The following TMEFF2 variants were observed in gnomAD, a reference collection of about 807,000 sequenced individuals.
TMEFF2 encodes tomoregulin-2.
A neutral mutation model predicts 53.8 loss-of-function variants in TMEFF2; 28 were observed. The ratio of observed to expected loss-of-function variants is 0.52; its 90% CI spans 0.39 to 0.71. The LOEUF is 0.71. TMEFF2 is among the 30% of genes least tolerant of loss of function. TMEFF2 has a pLI of 0.00. For missense variants in TMEFF2, 353 were observed against 455.2 expected, an observed-to-expected ratio of 0.78 and a Z score of 2.04; for synonymous variants, 162 against 166.3, an observed-to-expected ratio of 0.97 and a Z score of 0.20.
chr2:192,089,110 T>G (rs1688731814), intron 4 of TMEFF2, among the ~76,000 whole-genome samples: 1 of 152,152 alleles, frequency 6.6e-6, no homozygotes, highest in Admixed American at 6.6e-5. Flanking sequence ...GGGATTGAAT[T>G]GCTCCAATTC....
intron 4 of TMEFF2, among the ~76,000 whole-genome samples, chr2:192,096,107 G>A (rs1204297729): frequency 1.3e-5 from 2 of 152,126 alleles, no homozygotes; most frequent in Admixed American, 1.3e-4. Context: ...ATTTGGATGG[G>A]TGTTCTACTA....
At chr2:192,011,228 C>T (rs1416135451) in intron 5 of TMEFF2, among the ~76,000 whole-genome samples, 1 of 152,194 alleles carries the variant, frequency 6.6e-6, no homozygotes, top group East Asian at 1.9e-4. Context: ...ACTTACAAAT[C>T]ACTGAATAAT....
intron 4 of TMEFF2, among the ~76,000 whole-genome samples, chr2:192,153,960 G>A (rs13426065): frequency 0.23 from 34,333 of 151,706 alleles, 5,088 homozygotes; most frequent in East Asian, 0.71. Flanking sequence ...TTACATGGTT[G>A]GGGGAAGGGT....
chr2:191,970,545 C>T (rs559173525), intron 7 of TMEFF2, among the ~76,000 whole-genome samples: 1 of 152,146 alleles, frequency 6.6e-6, no homozygotes, highest in African/African-American at 2.4e-5. Flanking sequence ...GCTGGAACAG[C>T]CCAGGAAAAA....
chr2:191,984,432 A>G (rs1685928712), intron 7 of TMEFF2, among the ~76,000 whole-genome samples: 1 of 152,128 alleles, frequency 6.6e-6, no homozygotes, highest in Non-Finnish European at 1.5e-5. Context: ...ACAACGTAAA[A>G]TCCTTCCTTT....
chr2:192,038,401 G>C (rs1228953106), intron 5 of TMEFF2, among the ~76,000 whole-genome samples: 1 of 152,194 alleles, frequency 6.6e-6, no homozygotes, highest in Non-Finnish European at 1.5e-5. Flanking sequence ...CCTTAGAAGA[G>C]TGTAGTGCAC....
At chr2:192,135,242 G>A (rs561188622) in intron 4 of TMEFF2, among the ~76,000 whole-genome samples, 2 of 151,990 alleles carry the variant, frequency 1.3e-5, no homozygotes, top group African/African-American at 4.8e-5. Context: ...ATATCTCCTC[G>A]TGCTATCCCC....
At chr2:192,160,557 AAAC>A (rs1009801664) in intron 4 of TMEFF2, among the ~76,000 whole-genome samples, 6 of 152,264 alleles carry the variant, frequency 3.9e-5, no homozygotes, top group African/African-American at 1.4e-4. Context: ...GCAGCAACAA[AAAC>A]AACAAGGCAA....
intron 4 of TMEFF2, among the ~76,000 whole-genome samples, chr2:192,170,869 T>C (rs1324349292): frequency 2.0e-5 from 3 of 152,124 alleles, no homozygotes; most frequent in African/African-American, 7.2e-5. Context: ...CATATTGTTT[T>C]CTATTTATTC....
intron 4 of TMEFF2, among the ~76,000 whole-genome samples, chr2:192,110,345 G>A (rs911789875): frequency 6.6e-6 from 1 of 151,956 alleles, no homozygotes; most frequent in African/African-American, 2.4e-5. Context: ...TGGGTTGAGT[G>A]GTGATTAGGA....
chr2:192,174,550 A>T (rs1690990293), intron 4 of TMEFF2, among the ~76,000 whole-genome samples: 1 of 151,658 alleles, frequency 6.6e-6, no homozygotes, highest in African/African-American at 2.4e-5. Context: ...ATGGATTTCA[A>T]CCTAAGAAGA....
intron 4 of TMEFF2, among the ~76,000 whole-genome samples, chr2:192,140,503 T>C (rs1222474679): frequency 1.4e-5 from 2 of 147,346 alleles, no homozygotes; most frequent in African/African-American, 5.3e-5. Context: ...TTCTGCTCAG[T>C]TCTGGGTTCC....
At chr2:191,965,523 G>A (rs11680872) in intron 7 of TMEFF2, among the ~76,000 whole-genome samples, 92,183 of 151,986 alleles carry the variant, frequency 0.61, 32,765 homozygotes, top group East Asian at 0.91. Context: ...CATTTTGATC[G>A]CCCTTAAAAC....
intron 4 of TMEFF2, among the ~76,000 whole-genome samples, chr2:192,127,321 G>A (rs1287380600): frequency 6.6e-6 from 1 of 152,124 alleles, no homozygotes; most frequent in Admixed American, 6.6e-5. Context: ...AATTATACAG[G>A]GCTCATTAAA....
At chr2:191,959,346 A>C (rs1316371897) in intron 7 of TMEFF2, among the ~76,000 whole-genome samples, 2 of 152,124 alleles carry the variant, frequency 1.3e-5, no homozygotes, top group African/African-American at 4.8e-5. Flanking sequence ...ATTCTGATAC[A>C]ATCTGAGTTA....
intron 4 of TMEFF2, among the ~76,000 whole-genome samples, chr2:192,073,892 T>C (rs1262229604): frequency 6.6e-6 from 1 of 151,996 alleles, no homozygotes; most frequent in African/African-American, 2.4e-5. Context: ...TTTCTGAATA[T>C]TTCTACAGCT....
chr2:192,119,701 T>C (rs1349619659), intron 4 of TMEFF2, among the ~76,000 whole-genome samples: 2 of 152,228 alleles, frequency 1.3e-5, no homozygotes, highest in Non-Finnish European at 2.9e-5. Flanking sequence ...TTTCCTGCTT[T>C]AACTTTGACA....
intron 4 of TMEFF2, among the ~76,000 whole-genome samples, chr2:192,097,447 C>A (rs1688939482): frequency 6.6e-6 from 1 of 152,184 alleles, no homozygotes; most frequent in Admixed American, 6.5e-5. Context: ...CAAAAGCAAT[C>A]ATCTGTCAAT....
chr2:192,051,631 A>C (rs1393187204), intron 5 of TMEFF2, among the ~76,000 whole-genome samples: 1 of 152,192 alleles, frequency 6.6e-6, no homozygotes, highest in East Asian at 1.9e-4. Context: ...ATTTACTTAT[A>C]CCTATGATGA....
Sources: allele counts gnomAD v4.1 joint callset (sites outside exome capture counted in the v4.1 genomes callset), GRCh38; gene constraint gnomAD v4.1.1; transcripts MANE v1.5; gene names NCBI Gene and HGNC (gene_info 2026-07-23, HGNC 2026-07-21).